The following PCDHA1 variants were observed in gnomAD, a reference collection of about 807,000 sequenced individuals.
PCDHA1 encodes protocadherin alpha-1.
A neutral mutation model predicts 61.3 loss-of-function variants in PCDHA1; 42 were observed. The ratio of observed to expected loss-of-function variants is 0.69; its 90% CI spans 0.54 to 0.89. The LOEUF (loss-of-function observed/expected upper bound fraction) is 0.89. Ranked by LOEUF, PCDHA1 falls within the 40% of genes least tolerant of loss-of-function variation. The pLI is 0.00. For synonymous variants in PCDHA1, 610 were observed against 553.8 expected (o/e 1.10, Z -1.43); for missense variants, 1,256 against 1,235.3 (o/e 1.02, Z -0.25).
At chr5:140,936,863 A>G (rs1177234152) in intron 1 of PCDHA1, among the ~76,000 whole-genome samples, 1 of 152,120 alleles carries the variant, frequency 6.6e-6, no homozygotes, top group East Asian at 1.9e-4. Context: ...CTCAGTTTCT[A>G]TTTTAAAAAA....
rs114567887 is a variant in PCDHA1, at chr5:140,974,104, T to G, written c.2395-4845T>G. The stretch of plus-strand genomic sequence containing the variant: ...GACTTCAAAAATCAAAGGTTAAAAG[T>G]ATTCTTTTGCAGTGTTTTAAATCTG... On this transcript the variant is annotated intron_variant, in intron 1 of 3. Coordinates refer to ENST00000504120, the MANE Select transcript of PCDHA1 (RefSeq NM_018900.4). Among the ~76,000 whole-genome samples, 1,327 of 152,364 alleles carry G rather than the reference T, an allele frequency of 8.7e-3. 24 individuals carry two copies. Among genetic ancestry groups the G allele is most frequent in the African/African-American group, 0.03 (1,240 of 41,584 alleles).
chr5:140,928,697 G>C, intron 1 of PCDHA1: 9 of 1,614,124 alleles, frequency 5.6e-6, no homozygotes, highest in Non-Finnish European at 5.9e-6. Context: ...CACATCTCCC[G>C]GGCGTCTGAC....
chr5:140,810,034 C>T (rs1554125406), intron 1 of PCDHA1: 1 of 154,964 alleles, frequency 6.5e-6, no homozygotes, highest in African/African-American at 2.4e-5. Context: ...GCACATTTGC[C>T]TTTTATAACT....
At chr5:140,876,760 G>A (rs2056562687) in intron 1 of PCDHA1, 4 of 1,614,234 alleles carry the variant, frequency 2.5e-6, no homozygotes, top group South Asian at 2.2e-5. Flanking sequence ...TGCGCGGGAT[G>A]GGGGCTCGCC....
intron 3 of PCDHA1, among the ~76,000 whole-genome samples, chr5:140,996,581 A>C (rs1554255228): frequency 6.6e-6 from 1 of 152,118 alleles, no homozygotes; most frequent in Non-Finnish European, 1.5e-5. Flanking sequence ...ATTTGTTAAC[A>C]AGGGCCGCCT....
At chr5:141,003,962 C>G (rs2098144287) in intron 3 of PCDHA1, among the ~76,000 whole-genome samples, 1 of 152,098 alleles carries the variant, frequency 6.6e-6, no homozygotes, top group Non-Finnish European at 1.5e-5. Context: ...ACCCTGGGAG[C>G]ATAAGGGAGG....
chr5:140,793,251 A>G (rs1437162833), intron 1 of PCDHA1, among the ~76,000 whole-genome samples: 1 of 152,214 alleles, frequency 6.6e-6, no homozygotes, highest in African/African-American at 2.4e-5. Flanking sequence ...ATAAATGTGG[A>G]GATTATTTTC....
chr5:140,887,196 A>T (rs180902279), intron 1 of PCDHA1, among the ~76,000 whole-genome samples: 49 of 151,316 alleles, frequency 3.2e-4, no homozygotes, highest in African/African-American at 1.1e-3. Context: ...TCCCGGGTTC[A>T]CGCCATTCTC....
rs782111378 is a variant in PCDHA1 at position 140,787,164 on chromosome 5, A to G, written c.874A>G (p.Lys292Glu). Residue 292 changes from lysine (K) to glutamate (E), a missense_variant, in exon 1 of 4, where the codon AAA becomes GAA. Physicochemically the swap from Lys to Glu is moderately conservative, Grantham distance 56. Transcript: ENST00000504120. ...DSGISRDIQE[K>E]FKVDSSSGEI... is the part of the protein sequence containing the mutation. ...TGGTATTTCTCGTGACATTCAAGAAAAATTCAAAGTTGATTCCAGCTCAGG... is the reference window on the plus strand; with the variant it reads ...TGGTATTTCTCGTGACATTCAAGAAGAATTCAAAGTTGATTCCAGCTCAGG... 12 of 1,613,702 alleles carry G rather than the reference A, an allele frequency of 7.4e-6. No homozygotes were observed. The highest frequency in any genetic ancestry group is 1.7e-5 in the Admixed American group (1 of 59,896).
chr5:140,979,462 T>C (rs2096852361), intron 2 of PCDHA1, among the ~76,000 whole-genome samples: 1 of 152,304 alleles, frequency 6.6e-6, no homozygotes, highest in East Asian at 1.9e-4. Context: ...CAATAATTGA[T>C]TGCTATTGTT....
rs149287754 is a variant in PCDHA1, at chr5:140,962,549, G to T, written c.2395-16400G>T. Reference sequence around the variant, plus strand: ...GTTTTTTAGAACTAAAAATGTAGAGGATCTCCCCCTAAAAGCCAATTGTTA... The same window carrying T: ...GTTTTTTAGAACTAAAAATGTAGAGTATCTCCCCCTAAAAGCCAATTGTTA... On this transcript the variant is annotated intron_variant, in intron 1 of 3. Coordinates refer to ENST00000504120, the MANE Select transcript of PCDHA1 (RefSeq NM_018900.4). 1.3e-3 allele frequency among the ~76,000 whole-genome samples: 202 copies of T among 152,208 alleles called. 3 individuals carry two copies. The highest frequency in any genetic ancestry group is 4.3e-4 in the Non-Finnish European group (29 of 68,014).
intron 1 of PCDHA1, chr5:140,884,644 C>T (rs1554181804): frequency 6.2e-7 from 1 of 1,608,094 alleles, no homozygotes; most frequent in South Asian, 1.1e-5. Flanking sequence ...GGGAGGAGGA[C>T]TCAGAATGCT....
chr5:140,822,978 G>A (rs2150120962), intron 1 of PCDHA1: 13 of 1,614,232 alleles, frequency 8.1e-6, no homozygotes, highest in Non-Finnish European at 1.0e-5. Flanking sequence ...CCACCTTCAA[G>A]AATTACTACT....
At chr5:140,975,940 G>A (rs562983011) in intron 1 of PCDHA1, among the ~76,000 whole-genome samples, 1 of 152,216 alleles carries the variant, frequency 6.6e-6, no homozygotes, top group Admixed American at 6.5e-5. Flanking sequence ...TGAAGCAATA[G>A]GACATATTAG....
chr5:140,831,224 A>C (rs2150192658), intron 1 of PCDHA1: 1 of 152,206 alleles, frequency 6.6e-6, no homozygotes. Flanking sequence ...TGAAAACTGC[A>C]TTCCTCTGGC....
intron 1 of PCDHA1, chr5:140,808,143 T>A: frequency 6.2e-7 from 1 of 1,614,142 alleles, no homozygotes; most frequent in Non-Finnish European, 8.5e-7. Flanking sequence ...TATGAAATTA[T>A]TGTAGAGGGC....
At chr5:140,808,620 C>T (rs1554124661) in intron 1 of PCDHA1, 1 of 1,613,738 alleles carries the variant, frequency 6.2e-7, no homozygotes, top group Admixed American at 1.7e-5. Context: ...TTCACTGTGT[C>T]TGCGTGGGAC....
intron 1 of PCDHA1, chr5:140,803,465 G>C: frequency 1.2e-6 from 2 of 1,614,256 alleles, no homozygotes; most frequent in South Asian, 1.1e-5. Context: ...AGAGGCAGCA[G>C]AGGGTGTGCT....
At chr5:140,967,535 T>C in intron 1 of PCDHA1, 3 of 1,613,746 alleles carry the variant, frequency 1.9e-6, no homozygotes, top group Non-Finnish European at 2.5e-6. Context: ...CTCTCCTGCC[T>C]TTGACCAGTC....
Sources: allele counts gnomAD v4.1 joint callset (sites outside exome capture counted in the v4.1 genomes callset), GRCh38; gene constraint gnomAD v4.1.1; transcripts MANE v1.5; gene names NCBI Gene and HGNC (gene_info 2026-07-23, HGNC 2026-07-21).